Variants in TMEM178B observed in about 807,000 individuals in gnomAD.
TMEM178B encodes transmembrane protein 178B.
Under a neutral mutation model 31.0 loss-of-function variants are expected in TMEM178B, and 5 were observed. That is an observed-to-expected ratio of 0.16 (90% CI 0.08 to 0.34). The LOEUF (loss-of-function observed/expected upper bound fraction) is 0.34. Ranked by LOEUF, TMEM178B falls within the 10% of genes least tolerant of loss-of-function variation. The pLI is 1.00. For missense variants in TMEM178B, 275 were observed against 400.3 expected (o/e 0.69, Z 2.67); for synonymous variants, 164 against 164.0 (o/e 1.00, Z 0.00).
intron 1 of TMEM178B, among the ~76,000 whole-genome samples, chr7:141,085,535 T>A (rs1286499391): frequency 1.1e-5 from 1 of 91,334 alleles, no homozygotes; most frequent in Non-Finnish European, 2.7e-5. Flanking sequence ...TAGGTCATCG[T>A]CATGCATTTA....
intron 3 of TMEM178B, among the ~76,000 whole-genome samples, chr7:141,447,478 A>G (rs953573715): frequency 6.6e-6 from 1 of 152,064 alleles, no homozygotes; most frequent in Non-Finnish European, 1.5e-5. Context: ...TGACTCCGCC[A>G]AGAGCAGATC....
chr7:141,361,628 C>T (rs899540219), intron 2 of TMEM178B, among the ~76,000 whole-genome samples: 1 of 152,212 alleles, frequency 6.6e-6, no homozygotes, highest in African/African-American at 2.4e-5. Flanking sequence ...CTGCATGACA[C>T]AGTGGTCAGA....
At position 141,422,671 on chromosome 7, in the gene TMEM178B, T is replaced by C. The variant is rs924713227; in HGVS notation, c.497-14937T>C. ...CTCTAAATTCTAGAGTACCTGCACA[T>C]AGCTCTCTGTGTGGTTCTCTTGAGG... On this transcript the variant is annotated intron_variant, in intron 2 of 3. Transcript: ENST00000565468. The surrounding 1 kb of genome is among the most constrained non-coding windows in gnomAD (Gnocchi z 4.2). 2.6e-5 allele frequency among the ~76,000 whole-genome samples: 4 copies of C among 152,160 alleles called. No individual in the cohort carries two copies. Among genetic ancestry groups the C allele is most frequent in the Non-Finnish European group, 5.9e-5 (4 of 68,032 alleles).
intron 1 of TMEM178B, among the ~76,000 whole-genome samples, chr7:141,173,931 C>A (rs1045172058): frequency 6.6e-6 from 1 of 152,168 alleles, no homozygotes; most frequent in Non-Finnish European, 1.5e-5. Flanking sequence ...CTCTACCTTT[C>A]TAATCAGTCA....
chr7:141,107,032 G>T (rs530487972), intron 1 of TMEM178B, among the ~76,000 whole-genome samples: 1 of 152,308 alleles, frequency 6.6e-6, no homozygotes, highest in East Asian at 1.9e-4. Flanking sequence ...AGACTGGACA[G>T]GGAAGAAGAG....
At chr7:141,269,848 C>G (rs769540546) in intron 2 of TMEM178B, among the ~76,000 whole-genome samples, 1 of 152,052 alleles carries the variant, frequency 6.6e-6, no homozygotes, top group Non-Finnish European at 1.5e-5. Context: ...GTGGATCACT[C>G]GAGGCCAGGG....
At chr7:141,380,707 T>A (rs58580444) in intron 2 of TMEM178B, among the ~76,000 whole-genome samples, 114 of 152,322 alleles carry the variant, frequency 7.5e-4, no homozygotes, top group African/African-American at 2.5e-3. Flanking sequence ...TAAGCAAATA[T>A]TGATTGAATG....
At chr7:141,405,578 G>A (rs558106665) in intron 2 of TMEM178B, among the ~76,000 whole-genome samples, 36 of 152,346 alleles carry the variant, frequency 2.4e-4, no homozygotes, top group Admixed American at 2.1e-3. Flanking sequence ...GATTAATTAT[G>A]TGGTGATTAG....
chr7:141,250,614 G>GTT lies in TMEM178B; in HGVS notation c.496+37910_496+37911insTT, dbSNP rs1366483983. Among the ~76,000 whole-genome samples, 8 of 152,260 alleles carry GTT rather than the reference G, an allele frequency of 5.3e-5. No individual in the cohort carries two copies. In the East Asian group the frequency reaches 1.5e-3, roughly 29 times the overall value. The stretch of plus-strand genomic sequence containing the variant: ...CATGGGAGCTAAGTGGGGGCTCTGT[G>GTT]CTCACCTTCCTTTAATCCCCCTGGA... On this transcript the variant is annotated intron_variant, in intron 2 of 3. Coordinates refer to ENST00000565468, the MANE Select transcript of TMEM178B (RefSeq NM_001195278.2).
chr7:141,387,171 C>T (rs930275260), intron 2 of TMEM178B, among the ~76,000 whole-genome samples: 1 of 152,138 alleles, frequency 6.6e-6, no homozygotes, highest in African/African-American at 2.4e-5. Context: ...GAAGATATGA[C>T]TAGTTTTGAC....
intron 2 of TMEM178B, among the ~76,000 whole-genome samples, chr7:141,244,719 G>C (rs1385017551): frequency 1.3e-5 from 2 of 152,132 alleles, no homozygotes; most frequent in Non-Finnish European, 2.9e-5. Context: ...ACAGATTCGA[G>C]AGTCATGGAA....
chr7:141,209,078 G>A (rs1263302670), intron 1 of TMEM178B, among the ~76,000 whole-genome samples: 1 of 152,204 alleles, frequency 6.6e-6, no homozygotes, highest in African/African-American at 2.4e-5. Flanking sequence ...AGCAGCAGCT[G>A]GGTTTCAGTG....
intron 2 of TMEM178B, among the ~76,000 whole-genome samples, chr7:141,397,886 A>G (rs1800685692): frequency 6.6e-6 from 1 of 152,224 alleles, no homozygotes; most frequent in South Asian, 2.1e-4. Flanking sequence ...GCCTGGCTGC[A>G]GTAGTTATCG....
intron 2 of TMEM178B, among the ~76,000 whole-genome samples, chr7:141,267,116 A>G (rs1216883750): frequency 6.6e-6 from 1 of 152,220 alleles, no homozygotes; most frequent in Non-Finnish European, 1.5e-5. Flanking sequence ...GCATCCTCCC[A>G]TGACAGCCGA....
chr7:141,114,402 G>GT (rs1211232838), intron 1 of TMEM178B, among the ~76,000 whole-genome samples: 1 of 151,994 alleles, frequency 6.6e-6, no homozygotes, highest in Non-Finnish European at 1.5e-5. Context: ...CAGCTGCACT[G>GT]TATCTCCCTT....
At chr7:141,172,866 A>G (rs1444648929) in intron 1 of TMEM178B, among the ~76,000 whole-genome samples, 1 of 151,924 alleles carries the variant, frequency 6.6e-6, no homozygotes, top group African/African-American at 2.4e-5. Flanking sequence ...ATTATTCCTT[A>G]TAGTATTGTA....
chr7:141,260,050 C>A (rs947095550), intron 2 of TMEM178B, among the ~76,000 whole-genome samples: 1 of 151,714 alleles, frequency 6.6e-6, no homozygotes, highest in African/African-American at 2.4e-5. Context: ...GTATCAAGAC[C>A]CCGATGTTTT....
intron 2 of TMEM178B, among the ~76,000 whole-genome samples, chr7:141,375,918 G>A (rs1031378632): frequency 6.6e-6 from 1 of 152,208 alleles, no homozygotes; most frequent in Non-Finnish European, 1.5e-5. Context: ...CGGCCTGCAG[G>A]AGTTCATATG....
rs1045602662 is a variant in TMEM178B at position 141,179,129 on chromosome 7, A to C, written c.383-33462A>C. Among the ~76,000 whole-genome samples, 3 of 152,320 alleles carry C rather than the reference A, an allele frequency of 2.0e-5. 1 individual carries two copies. Among genetic ancestry groups the C allele is most frequent in the Middle Eastern group, 6.8e-3 (2 of 294 alleles). On this transcript the variant is annotated intron_variant, in intron 1 of 3. Coordinates refer to ENST00000565468, the MANE Select transcript of TMEM178B (RefSeq NM_001195278.2). ...ACATCAAACTGGAAACCACTGGTCT[A>C]TAGAATAAGACTTCAGACTAGAAAG...
Sources: allele counts gnomAD v4.1 joint callset (sites outside exome capture counted in the v4.1 genomes callset), GRCh38; gene constraint gnomAD v4.1.1; non-coding constraint Gnocchi (gnomAD v3.1); transcripts MANE v1.5; gene names NCBI Gene and HGNC (gene_info 2026-07-23, HGNC 2026-07-21).